The following ITGA2 variants were observed in gnomAD, a reference collection of about 807,000 sequenced individuals.
ITGA2 encodes the protein integrin subunit alpha 2, also known as integrin alpha-2.
ITGA2 carries 101 observed loss-of-function variants against 146.3 expected under a neutral mutation model. The observed-to-expected ratio is 0.69, with a 90% confidence interval of 0.59 to 0.81. The LOEUF is 0.81. Ranked by LOEUF, ITGA2 falls within the 40% of genes least tolerant of loss-of-function variation. ITGA2 has a pLI of 0.00. For missense variants in ITGA2, 1,281 were observed against 1,402.7 expected, an observed-to-expected ratio of 0.91 and a Z score of 1.39; for synonymous variants, 477 against 487.1, an observed-to-expected ratio of 0.98 and a Z score of 0.27.
intron 1 of ITGA2, among the ~76,000 whole-genome samples, chr5:53,002,833 ACTT>A (rs1191503662): frequency 2.0e-5 from 3 of 152,168 alleles, no homozygotes; most frequent in Non-Finnish European, 4.4e-5. Flanking sequence ...ATTTTCATTT[ACTT>A]CTTGAAGTTT....
chr5:53,062,904 G>A lies in ITGA2; in HGVS notation c.1577G>A (p.Arg526Lys). 6.2e-7 allele frequency: 1 copy of A among 1,609,008 alleles called. No homozygotes were observed. The highest frequency in any genetic ancestry group is 1.1e-5 in the South Asian group (1 of 90,896). Residue 526 changes from arginine to lysine, a missense_variant, in exon 13 of 30, where the codon AGA (arginine) becomes AAA (lysine). By Grantham distance (26) the Arg-to-Lys change is conservative (BLOSUM62 2). This residue lies in a region of ITGA2 where 795 missense variants were observed against 841.7 expected (regional missense o/e 0.94). Transcript: ENST00000296585. ...YMSDLKKEEG[R>K]VYLFTIKEGI... The stretch of plus-strand genomic sequence containing the variant: ...AGTGACCTAAAGAAAGAGGAAGGAA[G>A]AGTCTACCTGTTTACTATCAAAGAG...
At chr5:53,089,777 A>AT (rs1740323808) in intron 28 of ITGA2, among the ~76,000 whole-genome samples, 169 bp from the exon 29 acceptor site, 1 of 152,194 alleles carries the variant, frequency 6.6e-6, no homozygotes, top group African/African-American at 2.4e-5. Flanking sequence ...TTGCAGGAAG[A>AT]TTTTCTCTAA....
At chr5:53,058,464 G>A (rs534720806) in intron 10 of ITGA2, among the ~76,000 whole-genome samples, 1 of 151,918 alleles carries the variant, frequency 6.6e-6, no homozygotes, top group Non-Finnish European at 1.5e-5. Context: ...TGTCATCACC[G>A]TCATGGTCGA....
At chr5:53,074,540 C>G (rs74450589) in intron 21 of ITGA2, 63 bp downstream of exon 21, 1 of 1,226,200 alleles carries the variant, frequency 8.2e-7, no homozygotes, top group Non-Finnish European at 1.2e-6. Context: ...GCTAATTTAC[C>G]AACATAACAT....
At chr5:53,028,065 A>G (rs924771395) in intron 2 of ITGA2, among the ~76,000 whole-genome samples, 20 of 151,902 alleles carry the variant, frequency 1.3e-4, no homozygotes, top group African/African-American at 4.6e-4. Context: ...TGAGTGACTG[A>G]GTAAGATCCT....
At position 53,077,446 on chromosome 5, in the gene ITGA2, A is replaced by G. The variant is rs12659013; in HGVS notation, c.2826-1326A>G. Among the ~76,000 whole-genome samples the G allele has an allele frequency of 8.1e-4, 124 of 152,238 alleles. 6 individuals carry two copies. The East Asian group carries it at 0.017, about 21-fold the overall frequency. On this transcript the variant is annotated intron_variant, in intron 23 of 29. Coordinates refer to ENST00000296585, the MANE Select transcript of ITGA2 (RefSeq NM_002203.4). ...TTTCTGAAGCAGGATCCCCCTGAGT[A>G]TAGATATTTACTATTATAAATATAT...
rs528139560 is a variant in ITGA2, at chr5:53,008,203, C to T, written c.65-18545C>T. Among the ~76,000 whole-genome samples the T allele has an allele frequency of 5.3e-5, 8 of 151,644 alleles. 1 individual carries two copies. In the South Asian group the frequency reaches 1.7e-3, roughly 32 times the overall value. On this transcript the variant is annotated intron_variant, in intron 1 of 29. Transcript: ENST00000296585. ...GGCTCTCTCAGGTTGGTGTTGGTTTCTACTGAGGACTCTCATCCCGGCTTA... is the reference window on the plus strand; with the variant it reads ...GGCTCTCTCAGGTTGGTGTTGGTTTTTACTGAGGACTCTCATCCCGGCTTA...
intron 1 of ITGA2, among the ~76,000 whole-genome samples, chr5:53,001,652 T>C (rs748728639): frequency 6.6e-6 from 1 of 152,080 alleles, no homozygotes; most frequent in African/African-American, 2.4e-5. Flanking sequence ...CTGGTCAATA[T>C]AGCGAGACTC....
At chr5:53,060,623 A>T (rs183396955) in intron 11 of ITGA2, among the ~76,000 whole-genome samples, 7 of 151,888 alleles carry the variant, frequency 4.6e-5, no homozygotes, top group Non-Finnish European at 1.0e-4. Context: ...TATTTTTTGA[A>T]TGCCAGGTTC....
chr5:53,053,656 A>C (rs1048975698), intron 7 of ITGA2, among the ~76,000 whole-genome samples: 1 of 151,938 alleles, frequency 6.6e-6, no homozygotes, highest in African/African-American at 2.4e-5. Flanking sequence ...GCCATTGTCT[A>C]TCTCCCTCTT....
intron 1 of ITGA2, among the ~76,000 whole-genome samples, chr5:53,024,399 A>G (rs1356178805): frequency 6.6e-6 from 1 of 152,208 alleles, no homozygotes; most frequent in Non-Finnish European, 1.5e-5. Flanking sequence ...AGTTTTCTCT[A>G]TATTCCAAAT....
Position 53,008,600 on chromosome 5 carries a change from G to A in ITGA2, c.65-18148G>A, listed in dbSNP as rs534885880. 7.6e-4 allele frequency among the ~76,000 whole-genome samples: 116 copies of A among 151,702 alleles called. 1 individual carries two copies. In the South Asian group the frequency reaches 0.022, roughly 29 times the overall value. Reference sequence around the variant, plus strand: ...GACACACTGTAAAAAACAAATAGCCGCAAATCATGAAGCAGGATATTATCG... The same window carrying A: ...GACACACTGTAAAAAACAAATAGCCACAAATCATGAAGCAGGATATTATCG... On this transcript the variant is annotated intron_variant, in intron 1 of 29. Transcript: ENST00000296585.
At chr5:53,079,523 ATTAAAG>A (rs961012447) in intron 24 of ITGA2, among the ~76,000 whole-genome samples, 4 of 152,170 alleles carry the variant, frequency 2.6e-5, no homozygotes, top group Non-Finnish European at 4.4e-5. Context: ...TTATATTGTA[ATTAAAG>A]TTAAAGAAAC....
Position 53,065,908 on chromosome 5 carries a change from A to C in ITGA2, c.1874A>C (p.Tyr625Ser). Residue 625 changes from tyrosine to serine, a missense_variant, in exon 15 of 30, where the codon TAT (tyrosine) becomes TCT (serine). By Grantham distance (144) the Tyr-to-Ser change is moderately radical (BLOSUM62 -2). This residue lies in a region of ITGA2 where 795 missense variants were observed against 841.7 expected (regional missense o/e 0.94). Transcript: ENST00000296585. ...TACTTTGGGAGGTCCTTGGATGGCT[A>C]TGGAGATTTAAATGGGGATTCCATC... ...LQYFGRSLDG[Y>S]GDLNGDSITD... is the part of the protein sequence containing the mutation. 6.2e-7 allele frequency: 1 copy of C among 1,612,238 alleles called. No homozygotes were observed. The highest frequency in any genetic ancestry group is 8.5e-7 in the Non-Finnish European group (1 of 1,178,802).
chr5:53,081,226 A>G (rs1402765141), intron 25 of ITGA2, among the ~76,000 whole-genome samples: 1 of 152,190 alleles, frequency 6.6e-6, no homozygotes, highest in Admixed American at 6.5e-5. Flanking sequence ...TCAGTCCAAC[A>G]GTTGTATTAT....
rs202061375 is a variant in ITGA2, at chr5:53,067,209, C to T, written c.2035C>T (p.Leu679Phe). ...VNKNAQIILK[L>F]CFSAKFRPTK... ...CAAGAATGCTCAGATAATTCTCAAA[C>T]TCTGCTTCAGTGCAAAGTTCAGACC... is the stretch of plus-strand genomic sequence containing the variant. Residue 679 changes from leucine to phenylalanine, a missense_variant, in exon 16 of 30, where the codon CTC becomes TTC. Coordinates refer to ENST00000296585, the MANE Select transcript of ITGA2 (RefSeq NM_002203.4). The T allele has an allele frequency of 1.4e-5, 22 of 1,611,608 alleles. No individual in the cohort carries two copies. The Middle Eastern group carries it at 6.6e-4, about 48-fold the overall frequency.
chr5:53,058,442 AAC>A (rs1292794927), intron 10 of ITGA2, among the ~76,000 whole-genome samples: 1 of 151,910 alleles, frequency 6.6e-6, no homozygotes, highest in Non-Finnish European at 1.5e-5. Context: ...GTTTGTTAAA[AAC>A]ACGTACTCTT....
At chr5:53,005,257 C>T (rs1013015687) in intron 1 of ITGA2, among the ~76,000 whole-genome samples, 5 of 151,912 alleles carry the variant, frequency 3.3e-5, no homozygotes, top group African/African-American at 4.8e-5. Flanking sequence ...AGCAACGTGT[C>T]ATCCTCCTAA....
Position 53,001,163 on chromosome 5 carries a change from A to G in ITGA2, c.64+11631A>G, listed in dbSNP as rs144629415. 6.0e-3 allele frequency among the ~76,000 whole-genome samples: 914 copies of G among 152,006 alleles called. 10 individuals carry two copies. The highest frequency in any genetic ancestry group is 0.021 in the African/African-American group (869 of 41,488). On this transcript the variant is annotated intron_variant, in intron 1 of 29. Coordinates refer to ENST00000296585, the MANE Select transcript of ITGA2 (RefSeq NM_002203.4). ...GTGGTCCACCCACCTCAGCCTCCCAAAGTGCTGGAATTACAGGTGTGAGCC... is the reference window on the plus strand; with the variant it reads ...GTGGTCCACCCACCTCAGCCTCCCAGAGTGCTGGAATTACAGGTGTGAGCC...
Sources: allele counts gnomAD v4.1 joint callset (sites outside exome capture counted in the v4.1 genomes callset), GRCh38; gene constraint gnomAD v4.1.1; regional missense constraint gnomAD v4.1.1; transcripts MANE v1.5; gene names NCBI Gene and HGNC (gene_info 2026-07-23, HGNC 2026-07-21).